PTPN14: variants seen among roughly 807,000 people sequenced by gnomAD.
The protein encoded by PTPN14 is tyrosine-protein phosphatase non-receptor type 14.
A neutral mutation model predicts 126.8 loss-of-function variants in PTPN14; 53 were observed. The ratio of observed to expected loss-of-function variants is 0.42; its 90% CI spans 0.34 to 0.53. The LOEUF (loss-of-function observed/expected upper bound fraction) is 0.53. Among genes scored for constraint, PTPN14 ranks in the 20% least tolerant of loss-of-function variants. The pLI, the probability that PTPN14 is intolerant of heterozygous loss-of-function variation, is 0.08. For missense variants in PTPN14, 1,257 were observed against 1,552.9 expected (o/e 0.81, Z 3.20); for synonymous variants, 630 against 599.3 (o/e 1.05, Z -0.75).
intron 1 of PTPN14, among the ~76,000 whole-genome samples, chr1:214,541,098 G>A (rs1249098865): frequency 6.6e-6 from 1 of 151,896 alleles, no homozygotes; most frequent in Non-Finnish European, 1.5e-5. Context: ...ATTATAGGAA[G>A]GCAGAGAAGA....
In PTPN14 at chr1:214,507,780, T is replaced by C. The variant is rs77825998; in HGVS notation, c.-154-42823A>G. 6.6e-3 allele frequency among the ~76,000 whole-genome samples: 1,005 copies of C among 152,350 alleles called. 5 individuals are homozygous for C. Among genetic ancestry groups the C allele is most frequent in the Non-Finnish European group, 0.011 (732 of 68,032 alleles). ...GTGCATATAAAAGTTATGTTTGTTT[T>C]ACACTATTAGTCTATAAAGTGTGCA... On this transcript the variant is annotated intron_variant, in intron 1 of 18. Transcript: ENST00000366956.
intron 1 of PTPN14, among the ~76,000 whole-genome samples, chr1:214,520,063 A>ATATATAT (rs1173435556): frequency 1.3e-4 from 10 of 78,096 alleles, no homozygotes; most frequent in African/African-American, 7.3e-4. Context: ...AAAAAAAAAA[A>ATATATAT]AAATATATAT....
At chr1:214,492,902 A>G (rs546227193) in intron 1 of PTPN14, among the ~76,000 whole-genome samples, 3 of 132,908 alleles carry the variant, frequency 2.3e-5, no homozygotes, top group Admixed American at 7.5e-5. Flanking sequence ...TGTCTCAAAG[A>G]AAAAAAAAAA....
intron 11 of PTPN14, among the ~76,000 whole-genome samples, chr1:214,387,649 G>A (rs1195763058): frequency 2.7e-5 from 4 of 146,426 alleles, no homozygotes; most frequent in African/African-American, 1.0e-4. Context: ...CCGCACTCCA[G>A]CCTGGCGACA....
At chr1:214,456,787 G>C (rs1411074496) in intron 2 of PTPN14, among the ~76,000 whole-genome samples, 1 of 152,088 alleles carries the variant, frequency 6.6e-6, no homozygotes, top group Non-Finnish European at 1.5e-5. Context: ...TACATTCTAG[G>C]ATTGACATTA....
intron 1 of PTPN14, among the ~76,000 whole-genome samples, chr1:214,541,415 C>A (rs1390216652): frequency 6.6e-6 from 1 of 152,138 alleles, no homozygotes; most frequent in Non-Finnish European, 1.5e-5. Flanking sequence ...CTATGCAGAG[C>A]CCTGACTGTG....
chr1:214,492,210 C>T (rs564384577), intron 1 of PTPN14, among the ~76,000 whole-genome samples: 26 of 151,936 alleles, frequency 1.7e-4, no homozygotes, highest in Middle Eastern at 3.4e-3. Flanking sequence ...AGAAAAACTT[C>T]GGGAGAATAT....
At position 214,464,711 on chromosome 1, in the gene PTPN14, A is replaced by G. The variant is rs757605436; in HGVS notation, c.93T>C (p.Asn31=). 59 of 1,614,114 alleles carry G rather than the reference A, an allele frequency of 3.7e-5. No individual in the cohort carries two copies. The highest frequency in any genetic ancestry group is 4.8e-5 in the Non-Finnish European group (57 of 1,180,050). Residue 31 remains asparagine, a synonymous_variant, in exon 2 of 19, where the codon AAT becomes AAC. Transcript: ENST00000366956. ...CCACCGACAGCGTGCACTCGATAACATTGCTGTCCAGCAGGCGAATCCGTG... is the reference window on the plus strand; with the variant it reads ...CCACCGACAGCGTGCACTCGATAACGTTGCTGTCCAGCAGGCGAATCCGTG... ...FVTRIRLLDS[N]VIECTLSVES...
In PTPN14 at chr1:214,355,959, C is replaced by CTTTTTTTTTTTTTTTTTTTT. The variant is rs58372033; in HGVS notation, c.*1962_*1963insAAAAAAAAAAAAAAAAAAAA. 3 of 101,652 alleles carry CTTTTTTTTTTTTTTTTTTTT rather than the reference C, an allele frequency of 3.0e-5. No individual in the cohort carries two copies. The South Asian group carries it at 9.9e-4, about 33-fold the overall frequency. 6.3% of individuals were successfully genotyped at this position (101,652 alleles called of 1,614,324 possible). Reference sequence around the variant, plus strand: ...TAGTTTTTCTTGACAACCTTTTTTCCTTTTTTTTTTTTTTTTTTGGAGGCA... The same window carrying CTTTTTTTTTTTTTTTTTTTT: ...TAGTTTTTCTTGACAACCTTTTTTCCTTTTTTTTTTTTTTTTTTTTTTTTTTTTTTTTTTTTTTGGAGGCA... On this transcript the variant is annotated 3_prime_UTR_variant, in exon 19 of 19. Coordinates refer to ENST00000366956, the MANE Select transcript of PTPN14 (RefSeq NM_005401.5).
In PTPN14 at chr1:214,473,548, A is replaced by G. The variant is rs182038829; in HGVS notation, c.-154-8591T>C. ...TACCAACAGTCTTTGGAATTTCTCC[A>G]GCATTCCATACTATTACAACTCCCA... On this transcript the variant is annotated intron_variant, in intron 1 of 18. Transcript: ENST00000366956. 3.3e-5 allele frequency among the ~76,000 whole-genome samples: 5 copies of G among 152,250 alleles called. No homozygotes were observed. In the South Asian group the frequency reaches 1.0e-3, roughly 31 times the overall value.
rs1232099200 is a variant in PTPN14 at position 214,383,468 on chromosome 1, G to A, written c.2387C>T (p.Pro796Leu). The A allele has an allele frequency of 8.1e-6, 13 of 1,614,256 alleles. No homozygotes were observed. Among genetic ancestry groups the A allele is most frequent in the South Asian group, 5.5e-5 (5 of 91,082 alleles). ...GAGAGAGGCCCCGTTGACAGCCGGCGGGTCAGTCCGAGACATGCTGATGGC... is the reference window on the plus strand; with the variant it reads ...GAGAGAGGCCCCGTTGACAGCCGGCAGGTCAGTCCGAGACATGCTGATGGC... ...AKAISMSRTD[P>L]PAVNGASLGP... is the part of the protein sequence containing the mutation. The change falls in exon 13 of 19, where the codon CCG becomes CTG. Residue 796 changes from proline (P) to leucine (L), a missense_variant. By Grantham distance (98) the Pro-to-Leu change is moderately conservative. This residue lies in a region of PTPN14 where 1,021 missense variants were observed against 1,183.3 expected (regional missense o/e 0.86). Coordinates refer to ENST00000366956, the MANE Select transcript of PTPN14 (RefSeq NM_005401.5). This position sits in a 1 kb window ranked among gnomAD's most constrained non-coding sequence, Gnocchi z 4.4.
At chr1:214,411,496 G>C (rs1338695208) in intron 5 of PTPN14, among the ~76,000 whole-genome samples, 188 bp downstream of exon 5, 1 of 152,172 alleles carries the variant, frequency 6.6e-6, no homozygotes, top group Non-Finnish European at 1.5e-5. Context: ...AATTAGGGAA[G>C]TGTCTTGAGG....
chr1:214,530,826 C>A (rs910413818), intron 1 of PTPN14: 1 of 152,074 alleles, frequency 6.6e-6, no homozygotes, highest in African/African-American at 2.4e-5. Flanking sequence ...TAAATTCAGC[C>A]AAGATATCTA....
chr1:214,420,679 G>T (rs559135860), intron 3 of PTPN14, among the ~76,000 whole-genome samples: 2 of 152,228 alleles, frequency 1.3e-5, no homozygotes, highest in East Asian at 1.9e-4. Context: ...TCTAATCAGG[G>T]GTTCTGTTTA....
At chr1:214,482,043 A>T (rs1558122924) in intron 1 of PTPN14, among the ~76,000 whole-genome samples, 1 of 151,976 alleles carries the variant, frequency 6.6e-6, no homozygotes, top group Non-Finnish European at 1.5e-5. Context: ...GTGCATGGAT[A>T]CTCTCAAGAC....
At chr1:214,533,316 C>T (rs149843456) in intron 1 of PTPN14, 339 of 555,560 alleles carry the variant, frequency 6.1e-4, no homozygotes, top group African/African-American at 4.9e-3. Flanking sequence ...TCACCACCTA[C>T]CGCTGCCTGC....
At chr1:214,401,855 G>T in intron 6 of PTPN14, 83 bp from the exon 7 acceptor site, 1 of 1,153,936 alleles carries the variant, frequency 8.7e-7, no homozygotes, top group Non-Finnish European at 1.3e-6. Context: ...AAATTCCAGA[G>T]CTGTGGTTTA....
At chr1:214,438,493 T>C (rs1482990545) in intron 3 of PTPN14, among the ~76,000 whole-genome samples, 2 of 152,204 alleles carry the variant, frequency 1.3e-5, no homozygotes, top group Non-Finnish European at 1.5e-5. Flanking sequence ...CTGAGGGAAT[T>C]AGGGACAAAT....
chr1:214,399,326 T>C (rs940130611), intron 7 of PTPN14, among the ~76,000 whole-genome samples: 2 of 152,316 alleles, frequency 1.3e-5, no homozygotes, highest in Non-Finnish European at 2.9e-5. Flanking sequence ...GAGAGATAGA[T>C]ATTTTTTTCC....
Sources: gnomAD v4.1 joint callset for allele counts (sites outside exome capture counted in the v4.1 genomes callset) on GRCh38, gnomAD v4.1.1 for gene constraint, gnomAD v4.1.1 regional missense constraint, Gnocchi (gnomAD v3.1) non-coding constraint, MANE v1.5 for transcripts, NCBI Gene and HGNC (gene_info 2026-07-23, HGNC 2026-07-21) for gene names.